LRFN5: variants seen among roughly 807,000 people sequenced by gnomAD.
The protein encoded by LRFN5 is leucine-rich repeat and fibronectin type-III domain-containing protein 5.
In LRFN5, 24 loss-of-function variants were observed where a neutral mutation model predicts 45.6. That is an observed-to-expected ratio of 0.53 (90% CI 0.38 to 0.74). The LOEUF is 0.74. Among genes scored for constraint, LRFN5 ranks in the 30% least tolerant of loss-of-function variants. LRFN5 has a pLI of 0.00. For missense variants in LRFN5, 776 were observed against 861.5 expected, an observed-to-expected ratio of 0.90 and a Z score of 1.24; for synonymous variants, 340 against 313.8, an observed-to-expected ratio of 1.08 and a Z score of -0.88.
intron 2 of LRFN5, among the ~76,000 whole-genome samples, chr14:41,853,766 G>A (rs1302723149): frequency 6.6e-6 from 1 of 152,058 alleles, no homozygotes; most frequent in Non-Finnish European, 1.5e-5. Flanking sequence ...AAGAATATAG[G>A]TAAAGAGGAA....
intron 5 of LRFN5, among the ~76,000 whole-genome samples, chr14:41,903,781 A>T (rs532501625): frequency 6.6e-6 from 1 of 152,138 alleles, no homozygotes; most frequent in African/African-American, 2.4e-5. Context: ...TGTAAGTAGC[A>T]TGCTTTAATA....
chr14:41,706,142 C>T (rs570861700), intron 1 of LRFN5, among the ~76,000 whole-genome samples: 2 of 151,876 alleles, frequency 1.3e-5, no homozygotes, highest in African/African-American at 4.8e-5. Flanking sequence ...CACTTGTTGC[C>T]CAGGCTGGAG....
intron 1 of LRFN5, among the ~76,000 whole-genome samples, chr14:41,696,229 T>C (rs1403768795): frequency 3.3e-5 from 5 of 151,890 alleles, no homozygotes; most frequent in African/African-American, 1.2e-4. Context: ...GGCTGCTTCT[T>C]ATGGATGAGC....
At chr14:41,787,847 A>C (rs1156324174) in intron 2 of LRFN5, among the ~76,000 whole-genome samples, 2 of 151,972 alleles carry the variant, frequency 1.3e-5, no homozygotes, top group African/African-American at 4.8e-5. Context: ...ATGTTGGAGC[A>C]CTAACCCCTA....
At chr14:41,615,155 T>A (rs1478062630) in intron 1 of LRFN5, among the ~76,000 whole-genome samples, 1 of 152,246 alleles carries the variant, frequency 6.6e-6, no homozygotes, top group East Asian at 1.9e-4. Context: ...AAATTTTTTT[T>A]AAAGCATCTC....
At position 41,741,358 on chromosome 14, in the gene LRFN5, T is replaced by C. The variant is rs1884682423; in HGVS notation, c.-196-25496T>C. On this transcript the variant is annotated intron_variant, in intron 1 of 5. Coordinates refer to ENST00000298119, the MANE Select transcript of LRFN5 (RefSeq NM_152447.5). ...TGATACTGGCATGAAAGAAGATATA[T>C]TGATGAATGGAAAAGAATAGAAAGC... Among the ~76,000 whole-genome samples, 5 of 151,666 alleles carry C rather than the reference T, an allele frequency of 3.3e-5. 1 individual carries two copies. In the South Asian group the frequency reaches 1.0e-3, roughly 31 times the overall value.
chr14:41,791,818 C>T lies in LRFN5; in HGVS notation c.-21+24789C>T, dbSNP rs114061579. 4.3e-3 allele frequency among the ~76,000 whole-genome samples: 660 copies of T among 152,120 alleles called. 1 individual carries two copies. Among genetic ancestry groups the T allele is most frequent in the African/African-American group, 0.014 (601 of 41,520 alleles). Reference sequence around the variant, plus strand: ...TGTTTTATTCAAAGATGAGGCTATTCTGAAAATTTATGCTAGATAAGACTT... The same window carrying T: ...TGTTTTATTCAAAGATGAGGCTATTTTGAAAATTTATGCTAGATAAGACTT... On this transcript the variant is annotated intron_variant, in intron 2 of 5. Transcript: ENST00000298119.
chr14:41,677,218 TAACTA>T (rs1473085110), intron 1 of LRFN5, among the ~76,000 whole-genome samples: 1 of 152,162 alleles, frequency 6.6e-6, no homozygotes, highest in Non-Finnish European at 1.5e-5. Flanking sequence ...TTCAGTCAAG[TAACTA>T]AACAAATAAA....
chr14:41,863,053 AC>A (rs1341036818), intron 2 of LRFN5, among the ~76,000 whole-genome samples: 1 of 151,540 alleles, frequency 6.6e-6, no homozygotes, highest in Non-Finnish European at 1.5e-5. Flanking sequence ...TTTTAGTGAG[AC>A]GGAGTTTCAC....
rs149060861 is a variant in LRFN5 at position 41,892,480 on chromosome 14, G to A, written c.2098+518G>A. On this transcript the variant is annotated intron_variant, in intron 4 of 5. Coordinates refer to ENST00000298119, the MANE Select transcript of LRFN5 (RefSeq NM_152447.5). The stretch of plus-strand genomic sequence containing the variant: ...GAAAATTGTTGTAGAAAAAAGTATT[G>A]CATAAAAAATGATATTTCTCTAATT... 2.3e-3 allele frequency: 2,292 copies of A among 979,256 alleles called. 3 individuals are homozygous for A. Among genetic ancestry groups the A allele is most frequent in the Non-Finnish European group, 2.6e-3 (2,113 of 824,450 alleles). The allele number at this position is 979,256 out of a possible 1,614,324, so 60.7% of individuals were successfully genotyped here. A position where few individuals can be genotyped will look rare whatever the true frequency, so the allele number is the denominator to read the frequency against.
Position 41,891,884 on chromosome 14 carries a change from A to C in LRFN5, c.2020A>C (p.Thr674Pro). 2 of 1,614,158 alleles carry C rather than the reference A, an allele frequency of 1.2e-6. No individual in the cohort carries two copies. The highest frequency in any genetic ancestry group is 1.1e-5 in the South Asian group (1 of 91,070). Reference protein sequence around the residue: ...ESQNTNRNNSTALQLASRPPD... With the variant: ...ESQNTNRNNSPALQLASRPPD... ...CCAAAACACTAACAGGAACAACTCA[A>C]CTGCCTTGCAGTTAGCTAGCCGTCC... The change falls in exon 4 of 6, where the codon ACT (threonine) becomes CCT (proline). Residue 674 changes from threonine to proline, a missense_variant. Thr to Pro is a conservative substitution (Grantham distance 38). Coordinates refer to ENST00000298119, the MANE Select transcript of LRFN5 (RefSeq NM_152447.5).
intron 2 of LRFN5, among the ~76,000 whole-genome samples, chr14:41,850,361 A>G (rs1375048080): frequency 6.6e-6 from 1 of 151,858 alleles, no homozygotes; most frequent in Non-Finnish European, 1.5e-5. Context: ...ATCCAGTCAC[A>G]TAAATCTGCT....
At chr14:41,648,907 GA>G (rs1216417791) in intron 1 of LRFN5, among the ~76,000 whole-genome samples, 2 of 152,032 alleles carry the variant, frequency 1.3e-5, no homozygotes, top group Non-Finnish European at 2.9e-5. Context: ...TCATGTAATT[GA>G]AAACGTGTAA....
intron 1 of LRFN5, among the ~76,000 whole-genome samples, chr14:41,663,817 T>C (rs1201541938): frequency 1.3e-5 from 2 of 151,968 alleles, no homozygotes; most frequent in Non-Finnish European, 2.9e-5. Context: ...GTTGCTAGTT[T>C]CAGGAGAAAA....
rs375510218 is a variant in LRFN5 at position 41,777,287 on chromosome 14, A to G, written c.-21+10258A>G. 1.3e-4 allele frequency among the ~76,000 whole-genome samples: 20 copies of G among 151,754 alleles called. 1 individual carries two copies. The East Asian group carries it at 2.1e-3, about 16-fold the overall frequency. On this transcript the variant is annotated intron_variant, in intron 2 of 5. Transcript: ENST00000298119. Reference sequence around the variant, plus strand: ...AGTAATTTTTATTTTAGATGAGTAGAAATATTTTATTTTATATTTTTAAAT... The same window carrying G: ...AGTAATTTTTATTTTAGATGAGTAGGAATATTTTATTTTATATTTTTAAAT...
chr14:41,713,968 G>C (rs963529496), intron 1 of LRFN5, among the ~76,000 whole-genome samples: 1 of 152,140 alleles, frequency 6.6e-6, no homozygotes, highest in Non-Finnish European at 1.5e-5. Context: ...AATGCCCACT[G>C]TCAGAGCAAT....
intron 2 of LRFN5, among the ~76,000 whole-genome samples, chr14:41,877,019 A>T (rs1266452395): frequency 6.6e-6 from 1 of 152,184 alleles, no homozygotes; most frequent in Non-Finnish European, 1.5e-5. Context: ...CTTTATATGA[A>T]AGTGCTACAT....
At chr14:41,771,372 C>G (rs1886083602) in intron 2 of LRFN5, among the ~76,000 whole-genome samples, 1 of 151,930 alleles carries the variant, frequency 6.6e-6, no homozygotes. Context: ...TCCATCGGTT[C>G]TTTATATTCT....
chr14:41,724,694 A>G (rs1329264524), intron 1 of LRFN5, among the ~76,000 whole-genome samples: 1 of 152,162 alleles, frequency 6.6e-6, no homozygotes, highest in African/African-American at 2.4e-5. Flanking sequence ...CTAATATATA[A>G]TATAGAATGT....
Sources: gnomAD v4.1 joint callset for allele counts (sites outside exome capture counted in the v4.1 genomes callset) on GRCh38, gnomAD v4.1.1 for gene constraint, MANE v1.5 for transcripts, NCBI Gene and HGNC (gene_info 2026-07-23, HGNC 2026-07-21) for gene names.